DTD1: variants seen among roughly 807,000 people sequenced by gnomAD.
DTD1 encodes D-aminoacyl-tRNA deacylase 1.
A neutral mutation model predicts 25.6 loss-of-function variants in DTD1; 13 were observed. The ratio of observed to expected loss-of-function variants is 0.51; its 90% CI spans 0.33 to 0.81. The LOEUF is 0.81. Ranked by LOEUF, DTD1 falls within the 30% of genes least tolerant of loss-of-function variation. DTD1 has a pLI of 0.02. For synonymous variants in DTD1, 110 were observed against 103.6 expected (o/e 1.06, Z -0.37); for missense variants, 193 against 266.4 (o/e 0.72, Z 1.92).
intron 4 of DTD1, among the ~76,000 whole-genome samples, chr20:18,740,729 C>T (rs2061274533): frequency 6.6e-6 from 1 of 152,100 alleles, no homozygotes; most frequent in African/African-American, 2.4e-5. Context: ...AAGTGTATAG[C>T]TTAGTAGTAA....
chr20:18,758,010 G>A (rs1252872243), intron 5 of DTD1, among the ~76,000 whole-genome samples: 1 of 152,168 alleles, frequency 6.6e-6, no homozygotes, highest in Non-Finnish European at 1.5e-5. Flanking sequence ...GAGGGTGTAT[G>A]TGTCGAGGAA....
At chr20:18,692,890 A>ATTTTTTTTTTTTTT (rs34962546) in intron 4 of DTD1, among the ~76,000 whole-genome samples, 2 of 112,468 alleles carry the variant, frequency 1.8e-5, no homozygotes, top group African/African-American at 3.6e-5. Context: ...CAGGACATGG[A>ATTTTTTTTTTTTTT]TTTTTTTTTT....
chr20:18,629,030 C>G lies in DTD1; in HGVS notation c.477+797C>G, dbSNP rs1272730549. On this transcript the variant is annotated intron_variant, in intron 4 of 5. Transcript: ENST00000377452. The stretch of plus-strand genomic sequence containing the variant: ...TTTTTTTTTGAGATGGAGTCTCGCT[C>G]TTGTTGCCCAGGCTGGAGCACAATG... 4.2e-5 allele frequency among the ~76,000 whole-genome samples: 5 copies of G among 118,710 alleles called. No homozygotes were observed. The East Asian group carries it at 1.1e-3, about 25-fold the overall frequency. The allele number at this position is 118,710 out of a possible 152,430, so 77.9% of individuals were successfully genotyped here.
At chr20:18,619,265 G>T (rs376643440) in intron 3 of DTD1, among the ~76,000 whole-genome samples, 1 of 152,124 alleles carries the variant, frequency 6.6e-6, no homozygotes, top group African/African-American at 2.4e-5. Context: ...TTGCTTAAGG[G>T]ACTGTTTGCT....
intron 4 of DTD1, among the ~76,000 whole-genome samples, chr20:18,662,175 G>A (rs1021035807): frequency 7.9e-5 from 12 of 152,116 alleles, no homozygotes; most frequent in South Asian, 4.1e-4. Context: ...GTGAAAAGAC[G>A]TTCAGTTTTC....
chr20:18,708,335 T>TTA (rs1158565750), intron 4 of DTD1, among the ~76,000 whole-genome samples: 1 of 74,076 alleles, frequency 1.3e-5, no homozygotes, highest in Non-Finnish European at 2.6e-5. Flanking sequence ...TATATATATT[T>TTA]TATATATATA....
At chr20:18,660,809 G>A (rs2060906958) in intron 4 of DTD1, among the ~76,000 whole-genome samples, 1 of 152,148 alleles carries the variant, frequency 6.6e-6, no homozygotes, top group Admixed American at 6.5e-5. Context: ...ATTGAATTTT[G>A]TATTGAGGTT....
At position 18,744,655 on chromosome 20, in the gene DTD1, A is replaced by AAAAAAAAAAAAAAC. The variant is rs10632823; in HGVS notation, c.*19+384_*19+385insAAAAAAAAAAAAAC. Among the ~76,000 whole-genome samples, 3 of 119,934 alleles carry AAAAAAAAAAAAAAC rather than the reference A, an allele frequency of 2.5e-5. 1 individual carries two copies. The highest frequency in any genetic ancestry group is 2.6e-4 in the East Asian group (1 of 3,804). 78.7% of individuals were successfully genotyped at this position (119,934 alleles called of 152,430 possible). A position where few individuals can be genotyped will look rare whatever the true frequency, so the allele number is the denominator to read the frequency against. On this transcript the variant is annotated intron_variant, in intron 5 of 5. Coordinates refer to ENST00000377452, the MANE Select transcript of DTD1 (RefSeq NM_080820.6). ...CCATCTCAAAAAAAAAAAACAAAAA[A>AAAAAAAAAAAAAAC]CAAGTGAAAGGGGTTTCCCCTTATA... is the stretch of plus-strand genomic sequence containing the variant.
intron 4 of DTD1, among the ~76,000 whole-genome samples, chr20:18,689,263 T>G (rs1257427151): frequency 2.0e-5 from 3 of 152,118 alleles, no homozygotes; most frequent in African/African-American, 7.2e-5. Flanking sequence ...TGAAGAATGG[T>G]GTGCTCTGCC....
intron 3 of DTD1, among the ~76,000 whole-genome samples, chr20:18,598,365 T>G (rs1285142388): frequency 6.6e-6 from 1 of 152,232 alleles, no homozygotes; most frequent in Non-Finnish European, 1.5e-5. Context: ...GTTTTCTTTA[T>G]CCAGTCTATC....
intron 4 of DTD1, among the ~76,000 whole-genome samples, chr20:18,709,968 T>G (rs770653974): frequency 2.2e-4 from 33 of 152,186 alleles, no homozygotes; most frequent in Admixed American, 1.4e-3. Flanking sequence ...TAGAATGTAT[T>G]AGGGTAAATA....
chr20:18,701,928 T>C (rs1042179836), intron 4 of DTD1, among the ~76,000 whole-genome samples: 3 of 152,248 alleles, frequency 2.0e-5, no homozygotes, highest in Non-Finnish European at 4.4e-5. Context: ...ATTTAAAGTA[T>C]AATTTAGAGT....
intron 4 of DTD1, among the ~76,000 whole-genome samples, chr20:18,686,464 A>G (rs1462366901): frequency 1.3e-5 from 2 of 152,188 alleles, no homozygotes; most frequent in African/African-American, 2.4e-5. Flanking sequence ...TAGCCTTCCA[A>G]AAAGTTTATA....
At chr20:18,607,024 A>G (rs74705236) in intron 3 of DTD1, among the ~76,000 whole-genome samples, 19,477 of 152,066 alleles carry the variant, frequency 0.13, 1,610 homozygotes, top group Non-Finnish European at 0.18. Context: ...GGATGTGAAG[A>G]TGTGATTTTT....
intron 5 of DTD1, among the ~76,000 whole-genome samples, chr20:18,759,138 G>A (rs532771108): frequency 3.9e-5 from 6 of 152,250 alleles, no homozygotes; most frequent in East Asian, 3.9e-4. Flanking sequence ...GTCTCTGCAC[G>A]TGAGATGGGT....
At chr20:18,729,211 C>T (rs920398814) in intron 4 of DTD1, among the ~76,000 whole-genome samples, 5 of 152,194 alleles carry the variant, frequency 3.3e-5, no homozygotes, top group African/African-American at 1.2e-4. Context: ...CCATGTTGCC[C>T]AGGCTGGTCT....
chr20:18,694,592 C>T lies in DTD1; in HGVS notation c.478-49508C>T, dbSNP rs538227394. Reference sequence around the variant, plus strand: ...GCTAATAAGCAACCTCAGCTAGAGGCCGCGGGAAGGGGAGGCCTTTACTGG... The same window carrying T: ...GCTAATAAGCAACCTCAGCTAGAGGTCGCGGGAAGGGGAGGCCTTTACTGG... On this transcript the variant is annotated intron_variant, in intron 4 of 5. Transcript: ENST00000377452. 4.6e-4 allele frequency among the ~76,000 whole-genome samples: 70 copies of T among 152,264 alleles called. 3 individuals are homozygous for T. Among genetic ancestry groups the T allele is most frequent in the Non-Finnish European group, 4.3e-4 (29 of 68,022 alleles).
chr20:18,735,930 C>T (rs1027924944), intron 4 of DTD1, among the ~76,000 whole-genome samples: 3 of 152,110 alleles, frequency 2.0e-5, no homozygotes, highest in Non-Finnish European at 4.4e-5. Flanking sequence ...GAAAAGTATG[C>T]ACAGACTCTT....
At chr20:18,611,931 T>C (rs1482767246) in intron 3 of DTD1, among the ~76,000 whole-genome samples, 3 of 152,118 alleles carry the variant, frequency 2.0e-5, no homozygotes, top group Non-Finnish European at 1.5e-5. Flanking sequence ...GTCAGCTCAC[T>C]GTAACCTCCG....
Sources: allele counts gnomAD v4.1 joint callset (sites outside exome capture counted in the v4.1 genomes callset), GRCh38; gene constraint gnomAD v4.1.1; transcripts MANE v1.5; gene names NCBI Gene and HGNC (gene_info 2026-07-23, HGNC 2026-07-21).